The following RGS7 variants were observed in gnomAD, a reference collection of about 807,000 sequenced individuals.
RGS7 encodes the protein regulator of G-protein signaling 7.
RGS7 carries 27 observed loss-of-function variants against 81.1 expected under a neutral mutation model. The observed-to-expected ratio is 0.33, with a 90% CI of 0.25 to 0.46. The LOEUF is 0.46. Ranked by LOEUF, RGS7 falls within the 20% of genes least tolerant of loss-of-function variation. RGS7 has a pLI of 1.00. For missense variants in RGS7, 396 were observed against 607.4 expected, an observed-to-expected ratio of 0.65 and a Z score of 3.66; for synonymous variants, 208 against 207.7, an observed-to-expected ratio of 1.00 and a Z score of -0.01.
Position 240,867,826 on chromosome 1 carries a change from C to T in RGS7, c.609+761G>A, listed in dbSNP as rs185447451. Among the ~76,000 whole-genome samples the T allele has an allele frequency of 2.4e-3, 370 of 152,116 alleles. 4 individuals carry two copies. Among genetic ancestry groups the T allele is most frequent in the African/African-American group, 8.2e-3 (341 of 41,516 alleles). ...GACCAGCCTGGGCACCATGGCAAAA[C>T]TCCATCTCTATCAAAAATACAAAAA... On this transcript the variant is annotated intron_variant, in intron 9 of 18. Transcript: ENST00000440928.
At chr1:241,052,417 G>C (rs2061299156) in intron 3 of RGS7, among the ~76,000 whole-genome samples, 1 of 152,094 alleles carries the variant, frequency 6.6e-6, no homozygotes, top group Non-Finnish European at 1.5e-5. Flanking sequence ...TTTCCAGTCA[G>C]GGATAAGAGC....
chr1:240,911,485 A>C (rs188951651), intron 6 of RGS7, among the ~76,000 whole-genome samples: 117 of 152,224 alleles, frequency 7.7e-4, no homozygotes, highest in Non-Finnish European at 1.3e-3. Context: ...TCTCTGAATG[A>C]TCTCATCCAC....
At position 240,865,194 on chromosome 1, in the gene RGS7, G is replaced by A. The variant is rs186472953; in HGVS notation, c.609+3393C>T. Among the ~76,000 whole-genome samples, 572 of 152,246 alleles carry A rather than the reference G, an allele frequency of 3.8e-3. 2 individuals are homozygous for A. The highest frequency in any genetic ancestry group is 0.01 in the Middle Eastern group (3 of 294). Reference sequence around the variant, plus strand: ...CAAATCACTGTGCAAGGTGGGCCTCGTAAATAATGGACTCATGTCTATCTG... The same window carrying A: ...CAAATCACTGTGCAAGGTGGGCCTCATAAATAATGGACTCATGTCTATCTG... On this transcript the variant is annotated intron_variant, in intron 9 of 18. Coordinates refer to ENST00000440928, the MANE Select transcript of RGS7 (RefSeq NM_001364886.1).
At chr1:241,064,623 A>G (rs2061952247) in intron 3 of RGS7, among the ~76,000 whole-genome samples, 1 of 145,974 alleles carries the variant, frequency 6.9e-6, no homozygotes, top group South Asian at 2.2e-4. Flanking sequence ...TGGCCAGGTG[A>G]GGTGGCTCAT....
chr1:240,956,130 C>T (rs138927761), intron 4 of RGS7, among the ~76,000 whole-genome samples: 398 of 152,236 alleles, frequency 2.6e-3, no homozygotes, highest in Non-Finnish European at 4.2e-3. Flanking sequence ...AACACTTGCA[C>T]AAAGCTAACG....
At chr1:241,066,298 G>GC (rs2062058566) in intron 3 of RGS7, among the ~76,000 whole-genome samples, 2 of 152,178 alleles carry the variant, frequency 1.3e-5, no homozygotes, top group African/African-American at 4.8e-5. Context: ...GACCTCTGAA[G>GC]CATCTACCCC....
intron 3 of RGS7, among the ~76,000 whole-genome samples, chr1:240,988,565 C>T (rs943455957): frequency 6.6e-6 from 1 of 152,108 alleles, no homozygotes; most frequent in Non-Finnish European, 1.5e-5. Flanking sequence ...TAAGTAATTG[C>T]TAATATCTAA....
intron 9 of RGS7, among the ~76,000 whole-genome samples, chr1:240,842,650 G>GT (rs1220302997): frequency 6.6e-6 from 1 of 152,006 alleles, no homozygotes; most frequent in African/African-American, 2.4e-5. Flanking sequence ...TAAATATAGG[G>GT]TAAGTGTGGA....
chr1:241,063,199 C>G (rs2061838560), intron 3 of RGS7, among the ~76,000 whole-genome samples: 1 of 152,152 alleles, frequency 6.6e-6, no homozygotes, highest in Non-Finnish European at 1.5e-5. Context: ...TTTATAATGA[C>G]AGTAGTTACC....
chr1:241,094,752 G>A (rs2064132413), intron 3 of RGS7, among the ~76,000 whole-genome samples: 2 of 152,172 alleles, frequency 1.3e-5, no homozygotes, highest in Admixed American at 1.3e-4. Flanking sequence ...ACATGATCTG[G>A]GTCTGGATTG....
At chr1:241,149,228 G>T (rs1030955855) in intron 2 of RGS7, among the ~76,000 whole-genome samples, 1 of 152,068 alleles carries the variant, frequency 6.6e-6, no homozygotes, top group Non-Finnish European at 1.5e-5. Context: ...GTGCAGTGGC[G>T]CAATCTCGGC....
intron 4 of RGS7, among the ~76,000 whole-genome samples, chr1:240,940,886 G>T (rs1452900386): frequency 6.6e-6 from 1 of 152,186 alleles, no homozygotes; most frequent in Non-Finnish European, 1.5e-5. Context: ...CTTATAGAGT[G>T]CAAAGTGTAT....
intron 2 of RGS7, among the ~76,000 whole-genome samples, chr1:241,343,241 G>A (rs896636218): frequency 5.7e-5 from 8 of 139,328 alleles, no homozygotes; most frequent in African/African-American, 8.1e-5. Flanking sequence ...CAGCCTGGGC[G>A]ACAGAGCGAG....
At chr1:240,983,576 G>A (rs1037243401) in intron 3 of RGS7, among the ~76,000 whole-genome samples, 2 of 152,096 alleles carry the variant, frequency 1.3e-5, no homozygotes, top group South Asian at 2.1e-4. Flanking sequence ...ACCCTCTTAC[G>A]TATTTCAAGT....
chr1:240,960,051 T>A (rs972237281), intron 4 of RGS7, among the ~76,000 whole-genome samples: 1 of 151,464 alleles, frequency 6.6e-6, no homozygotes, highest in African/African-American at 2.4e-5. Flanking sequence ...TCCCAGCCTC[T>A]ATGGAGGCTG....
chr1:241,020,291 A>G (rs1299408777), intron 3 of RGS7, among the ~76,000 whole-genome samples: 2 of 152,212 alleles, frequency 1.3e-5, no homozygotes, highest in Admixed American at 6.5e-5. Flanking sequence ...GGATTAATAA[A>G]CAGGAGTTTA....
intron 2 of RGS7, among the ~76,000 whole-genome samples, chr1:241,305,405 C>T (rs2080030295): frequency 6.6e-6 from 1 of 152,124 alleles, no homozygotes; most frequent in African/African-American, 2.4e-5. Flanking sequence ...AGCATGTCAG[C>T]TTCTTAGGGA....
At chr1:241,230,779 T>C (rs1425147149) in intron 2 of RGS7, among the ~76,000 whole-genome samples, 3 of 152,176 alleles carry the variant, frequency 2.0e-5, no homozygotes, top group African/African-American at 7.2e-5. Flanking sequence ...TTAGGTGTGC[T>C]TGTAGATCGG....
intron 10 of RGS7, among the ~76,000 whole-genome samples, chr1:240,826,322 T>C (rs1245352099): frequency 2.0e-5 from 3 of 152,112 alleles, no homozygotes; most frequent in African/African-American, 7.2e-5. Context: ...TTTCTAGGGA[T>C]GGGAGAAAAT....
Sources: gnomAD v4.1 joint callset for allele counts (sites outside exome capture counted in the v4.1 genomes callset) on GRCh38, gnomAD v4.1.1 for gene constraint, MANE v1.5 for transcripts, NCBI Gene and HGNC (gene_info 2026-07-23, HGNC 2026-07-21) for gene names.